ARHGAP22: variants seen among roughly 807,000 people sequenced by gnomAD.
The protein encoded by ARHGAP22 is Rho GTPase activating protein 22.
In ARHGAP22, 48 loss-of-function variants were observed where a neutral mutation model predicts 59.1. That is an observed-to-expected ratio of 0.81 (90% CI 0.64 to 1.03). The LOEUF (loss-of-function observed/expected upper bound fraction) is 1.03, where lower values mean the gene tolerates loss of function less well. ARHGAP22 is among the 50% of genes least tolerant of loss of function. The pLI is 0.00. For synonymous variants in ARHGAP22, 445 were observed against 416.4 expected (o/e 1.07, Z -0.84); for missense variants, 1,015 against 958.7 (o/e 1.06, Z -0.78).
chr10:48,433,615 G>C, the ARHGAP22 span, among the ~76,000 whole-genome samples: 1 of 152,044 alleles, frequency 6.6e-6, no homozygotes, highest in Non-Finnish European at 1.5e-5. Context: ...CACATGCTTT[G>C]TCTCTTGTGG....
chr10:48,614,858 T>C (rs2061021131), intron 1 of ARHGAP22, among the ~76,000 whole-genome samples: 1 of 152,238 alleles, frequency 6.6e-6, no homozygotes, highest in East Asian at 1.9e-4. Context: ...TGTTTTGACC[T>C]ATTTGGTAGT....
At chr10:48,429,957 A>T in the ARHGAP22 span, 1 of 152,250 alleles carries the variant, frequency 6.6e-6, no homozygotes, top group Non-Finnish European at 1.5e-5. Flanking sequence ...AAAAGATTCC[A>T]TGACCCAAAG....
the ARHGAP22 span, chr10:48,436,827 C>G: frequency 6.6e-6 from 1 of 152,152 alleles, no homozygotes; most frequent in Non-Finnish European, 1.5e-5. Context: ...CAACAAGGTG[C>G]ATTAATTTGA....
intron 1 of ARHGAP22, among the ~76,000 whole-genome samples, chr10:48,586,542 T>C (rs1162531862): frequency 6.6e-6 from 1 of 152,216 alleles, no homozygotes; most frequent in Non-Finnish European, 1.5e-5. Context: ...TGGACCACTC[T>C]CTGGCCCCTG....
intron 1 of ARHGAP22, chr10:48,625,051 G>T (rs1490048138): frequency 6.6e-6 from 1 of 152,048 alleles, no homozygotes; most frequent in Non-Finnish European, 1.5e-5. Flanking sequence ...TAGATTTTGG[G>T]GCCCAAGAGA....
At chr10:48,590,628 C>A (rs995868884) in intron 1 of ARHGAP22, among the ~76,000 whole-genome samples, 7 of 152,220 alleles carry the variant, frequency 4.6e-5, no homozygotes, top group Admixed American at 4.6e-4. Context: ...TGCCCATAAA[C>A]CCTTGAGTGG....
intron 2 of ARHGAP22, among the ~76,000 whole-genome samples, chr10:48,572,233 A>G (rs1367710888): frequency 6.6e-6 from 1 of 152,210 alleles, no homozygotes; most frequent in Non-Finnish European, 1.5e-5. Flanking sequence ...AAGAATAAAC[A>G]ATGTTCTAAC....
intron 1 of ARHGAP22, among the ~76,000 whole-genome samples, chr10:48,634,442 G>A (rs974503618): frequency 4.1e-4 from 62 of 152,206 alleles, no homozygotes; most frequent in African/African-American, 1.2e-3. Flanking sequence ...ACCATTCCCA[G>A]AGTCAAATCA....
At chr10:48,629,349 A>G (rs982709534) in intron 1 of ARHGAP22, among the ~76,000 whole-genome samples, 4 of 152,176 alleles carry the variant, frequency 2.6e-5, no homozygotes, top group African/African-American at 9.7e-5. Context: ...TGCCCTCTCC[A>G]TGGGTGTCAA....
chr10:48,617,466 C>T (rs1291376864), intron 1 of ARHGAP22, among the ~76,000 whole-genome samples: 1 of 151,946 alleles, frequency 6.6e-6, no homozygotes, highest in Non-Finnish European at 1.5e-5. Flanking sequence ...TAAAACAAGT[C>T]TCAACAATGT....
intron 8 of ARHGAP22, 198 bp from the exon 9 acceptor site, chr10:48,451,338 C>T (rs1485945742): frequency 5.1e-6 from 4 of 778,890 alleles, no homozygotes; most frequent in Non-Finnish European, 8.8e-6. Flanking sequence ...AGGATGGGGC[C>T]GCAGAACCGC....
At chr10:48,513,549 A>C (rs960596820) in intron 3 of ARHGAP22, among the ~76,000 whole-genome samples, 1 of 152,238 alleles carries the variant, frequency 6.6e-6, no homozygotes, top group East Asian at 1.9e-4. Flanking sequence ...TATTTCTGAC[A>C]AATCATTGGC....
chr10:48,611,180 A>G (rs2060869290), intron 1 of ARHGAP22, among the ~76,000 whole-genome samples: 1 of 152,156 alleles, frequency 6.6e-6, no homozygotes, highest in African/African-American at 2.4e-5. Flanking sequence ...TGTGGGACTG[A>G]TAGTAGCACA....
chr10:48,547,383 C>T (rs565613780), intron 3 of ARHGAP22, among the ~76,000 whole-genome samples: 3 of 152,246 alleles, frequency 2.0e-5, no homozygotes, highest in South Asian at 2.1e-4. Flanking sequence ...CTATTGCCTG[C>T]AGGATTCCCA....
the ARHGAP22 span, among the ~76,000 whole-genome samples, chr10:48,431,491 C>G: frequency 1.3e-5 from 2 of 152,266 alleles, no homozygotes; most frequent in Non-Finnish European, 2.9e-5. Flanking sequence ...TACTGACATT[C>G]TGAAGAACAG....
intron 4 of ARHGAP22, among the ~76,000 whole-genome samples, chr10:48,465,127 C>T (rs2047523446): frequency 6.6e-6 from 1 of 152,218 alleles, no homozygotes; most frequent in Non-Finnish European, 1.5e-5. Flanking sequence ...CTGGCACCCT[C>T]GGAGGGGAGC....
intron 3 of ARHGAP22, among the ~76,000 whole-genome samples, chr10:48,483,385 CTTTGATATA>C (rs928006530): frequency 7.9e-5 from 12 of 152,108 alleles, no homozygotes; most frequent in African/African-American, 2.4e-4. Context: ...GGGTTAATTC[CTTTGATATA>C]CTGATTTCCT....
chr10:48,494,332 G>A (rs188297357), intron 3 of ARHGAP22, among the ~76,000 whole-genome samples: 8 of 152,312 alleles, frequency 5.3e-5, no homozygotes, highest in Non-Finnish European at 8.8e-5. Context: ...GACAAAGGGA[G>A]CAGGAAGCAG....
chr10:48,548,547 G>A (rs545051716), intron 3 of ARHGAP22, among the ~76,000 whole-genome samples: 2 of 152,272 alleles, frequency 1.3e-5, no homozygotes, highest in Non-Finnish European at 2.9e-5. Context: ...AAACATGGCC[G>A]TTTTTTGGGG....
Sources: gnomAD v4.1 joint callset for allele counts (sites outside exome capture counted in the v4.1 genomes callset) on GRCh38, gnomAD v4.1.1 for gene constraint, MANE v1.5 for transcripts, NCBI Gene and HGNC (gene_info 2026-07-23, HGNC 2026-07-21) for gene names.